CC2D2A: variants seen among roughly 807,000 people sequenced by gnomAD.
CC2D2A encodes coiled-coil and C2 domain containing 2A, also known as coiled-coil and C2 domain-containing protein 2A.
A neutral mutation model predicts 212.9 loss-of-function variants in CC2D2A; 155 were observed. The observed-to-expected ratio is 0.73, with a 90% CI of 0.64 to 0.83. The LOEUF is 0.83. Ranked by LOEUF, CC2D2A falls within the 40% of genes least tolerant of loss-of-function variation. CC2D2A has a pLI of 0.00. For missense variants in CC2D2A, 1,856 were observed against 1,956.2 expected (o/e 0.95, Z 0.97); for synonymous variants, 667 against 686.5 (o/e 0.97, Z 0.44).
chr4:15,483,212 G>C lies in CC2D2A; in HGVS notation c.247+2385G>C, dbSNP rs537592645. On this transcript the variant is annotated intron_variant, in intron 4 of 36. Transcript: ENST00000424120. ...TGGCATTAGAGCAGGAGACAGACAA[G>C]TAAAAAGGAATGATGAGTGCTGGCA... Among the ~76,000 whole-genome samples, 8 of 152,352 alleles carry C rather than the reference G, an allele frequency of 5.3e-5. No homozygotes were observed. The South Asian group carries it at 1.7e-3, about 32-fold the overall frequency.
intron 26 of CC2D2A, among the ~76,000 whole-genome samples, chr4:15,568,090 A>G (rs180955490): frequency 6.6e-6 from 1 of 152,192 alleles, no homozygotes; most frequent in Non-Finnish European, 1.5e-5. Context: ...AATGACCTAC[A>G]CTGCTTTCCT....
chr4:15,599,745 C>T (rs1369766109), intron 36 of CC2D2A, 39 bp downstream of exon 36: 3 of 1,477,672 alleles, frequency 2.0e-6, no homozygotes, highest in East Asian at 4.6e-5. Context: ...TGTGGATTTC[C>T]TTGTTTCAAA....
intron 33 of CC2D2A, among the ~76,000 whole-genome samples, chr4:15,594,283 CAT>C (rs2148492190): frequency 6.6e-6 from 1 of 152,228 alleles, no homozygotes; most frequent in South Asian, 2.1e-4. Context: ...TAAAATGCTC[CAT>C]TTTTGTTTTC....
In CC2D2A at chr4:15,593,706, T is replaced by C. The variant is rs1248179548; in HGVS notation, c.4315-2379T>C. 5.9e-5 allele frequency among the ~76,000 whole-genome samples: 9 copies of C among 152,292 alleles called. No homozygotes were observed. The South Asian group carries it at 1.0e-3, about 18-fold the overall frequency. ...TCATCTGTGATTCCTCTCTCTCCTATATCCAAACCAAATCCTACTGGTTCC... is the reference window on the plus strand; with the variant it reads ...TCATCTGTGATTCCTCTCTCTCCTACATCCAAACCAAATCCTACTGGTTCC... On this transcript the variant is annotated intron_variant, in intron 33 of 36. Transcript: ENST00000424120.
chr4:15,523,427 A>C (rs577784097), intron 11 of CC2D2A, among the ~76,000 whole-genome samples: 2 of 152,308 alleles, frequency 1.3e-5, no homozygotes, highest in Admixed American at 1.3e-4. Flanking sequence ...GGACTGTGTC[A>C]TGATTCCAAG....
chr4:15,510,424 C>T (rs1299017927), intron 7 of CC2D2A, among the ~76,000 whole-genome samples, 184 bp downstream of exon 7: 1 of 152,034 alleles, frequency 6.6e-6, no homozygotes, highest in Admixed American at 6.5e-5. Context: ...GGCGAAACCC[C>T]ATCTCTACAA....
At chr4:15,498,842 CT>C (rs1715761879) in intron 4 of CC2D2A, among the ~76,000 whole-genome samples, 1 of 152,044 alleles carries the variant, frequency 6.6e-6, no homozygotes, top group Non-Finnish European at 1.5e-5. Context: ...TTTGAAATAC[CT>C]TTTTAAGTAT....
intron 13 of CC2D2A, among the ~76,000 whole-genome samples, chr4:15,530,038 T>C (rs913476376): frequency 4.1e-4 from 62 of 151,868 alleles, no homozygotes; most frequent in East Asian, 2.9e-3. Flanking sequence ...GTGGTGCGAT[T>C]TCGGCTCACT....
At chr4:15,559,732 T>G (rs2109060816) in intron 22 of CC2D2A, among the ~76,000 whole-genome samples, 1 of 152,288 alleles carries the variant, frequency 6.6e-6, no homozygotes, top group East Asian at 1.9e-4. Context: ...GTGACTACAG[T>G]GCATTTTCCC....
intron 7 of CC2D2A, 92 bp from the exon 8 acceptor site, chr4:15,511,155 C>A: frequency 3.0e-6 from 4 of 1,352,684 alleles, no homozygotes; most frequent in African/African-American, 1.5e-5. Context: ...TATGCCTGAT[C>A]TCATTAGCAT....
intron 23 of CC2D2A, 78 bp downstream of exon 23, chr4:15,560,700 T>A (rs1289835653): frequency 1.5e-5 from 10 of 661,890 alleles, no homozygotes; most frequent in Non-Finnish European, 2.5e-5. Flanking sequence ...AGGTATCATA[T>A]AAGATTTTTA....
chr4:15,599,866 CAAT>C (rs1721505129), intron 36 of CC2D2A, among the ~76,000 whole-genome samples, 160 bp downstream of exon 36: 1 of 152,140 alleles, frequency 6.6e-6, no homozygotes, highest in African/African-American at 2.4e-5. Flanking sequence ...TTTTAAACCT[CAAT>C]AATCATGAAA....
intron 9 of CC2D2A, among the ~76,000 whole-genome samples, 155 bp from the exon 10 acceptor site, chr4:15,515,713 C>A (rs942208035): frequency 1.3e-5 from 2 of 152,222 alleles, no homozygotes; most frequent in East Asian, 3.8e-4. Flanking sequence ...TGAGCACATT[C>A]ATCTTTTCCT....
At chr4:15,568,035 G>A (rs955417850) in intron 26 of CC2D2A, among the ~76,000 whole-genome samples, 1 of 152,146 alleles carries the variant, frequency 6.6e-6, no homozygotes, top group Non-Finnish European at 1.5e-5. Flanking sequence ...TGCTCCTCCA[G>A]GCTCTGGCTT....
chr4:15,591,009 C>A (rs1218194471), intron 33 of CC2D2A, among the ~76,000 whole-genome samples: 1 of 150,544 alleles, frequency 6.6e-6, no homozygotes, highest in Admixed American at 6.6e-5. Flanking sequence ...ATTACAGGCG[C>A]GAGCCACCAC....
chr4:15,569,395 T>C lies in CC2D2A; in HGVS notation c.3495+6T>C. 1 of 1,513,128 alleles carries C rather than the reference T, an allele frequency of 6.6e-7. No individual in the cohort carries two copies. Among genetic ancestry groups the C allele is most frequent in the African/African-American group, 1.4e-5 (1 of 72,866 alleles). The allele number at this position is 1,513,128 out of a possible 1,614,324, so 93.7% of individuals were successfully genotyped here. Reference sequence around the variant, plus strand: ...TACTGCATGATGTCTTAGAGGTAAGTTCTCAGTTTTAAGAAAGACACTTGT... The same window carrying C: ...TACTGCATGATGTCTTAGAGGTAAGCTCTCAGTTTTAAGAAAGACACTTGT... On this transcript the variant is annotated splice_donor_region_variant and intron_variant, in intron 27 of 36. Coordinates refer to ENST00000424120, the MANE Select transcript of CC2D2A (RefSeq NM_001378615.1).
chr4:15,539,126 T>G (rs997875688), intron 16 of CC2D2A, among the ~76,000 whole-genome samples: 18 of 152,130 alleles, frequency 1.2e-4, no homozygotes, highest in Non-Finnish European at 2.4e-4. Flanking sequence ...AGCCAGATAA[T>G]TAAAGTCAAC....
rs770079510 is a variant in CC2D2A, at chr4:15,533,176, G to T, written c.1467-17G>T. 3.2e-6 allele frequency: 5 copies of T among 1,571,998 alleles called. No individual in the cohort carries two copies. ...CTGACTTTTTAATATATACTCATGT[G>T]TTATTATATCTTGCAGACAAACAAG... On this transcript the variant is annotated splice_polypyrimidine_tract_variant and intron_variant, in intron 13 of 36. Coordinates refer to ENST00000424120, the MANE Select transcript of CC2D2A (RefSeq NM_001378615.1).
intron 19 of CC2D2A, among the ~76,000 whole-genome samples, chr4:15,554,461 T>C (rs1248859568): frequency 6.6e-6 from 1 of 152,048 alleles, no homozygotes; most frequent in Non-Finnish European, 1.5e-5. Context: ...TCACATGAGG[T>C]CAGGAGTTTG....
Sources: allele counts gnomAD v4.1 joint callset (sites outside exome capture counted in the v4.1 genomes callset), GRCh38; gene constraint gnomAD v4.1.1; transcripts MANE v1.5; gene names NCBI Gene and HGNC (gene_info 2026-07-23, HGNC 2026-07-21).